The following COL4A1 variants were observed in gnomAD, a reference collection of about 807,000 sequenced individuals.
COL4A1 encodes collagen type IV alpha 1 chain, also known as collagen alpha-1(IV) chain.
Under a neutral mutation model 216.6 loss-of-function variants are expected in COL4A1, and 40 were observed. The ratio of observed to expected loss-of-function variants is 0.18; its 90% confidence interval spans 0.14 to 0.24. COL4A1 has a LOEUF of 0.24. COL4A1 is among the 10% of genes least tolerant of loss of function. The pLI is 1.00. For synonymous variants in COL4A1, 839 were observed against 810.7 expected (o/e 1.03, Z -0.59); for missense variants, 1,628 against 2,196.8 (o/e 0.74, Z 5.18).
intron 2 of COL4A1, among the ~76,000 whole-genome samples, chr13:110,225,399 C>T (rs1334155034): frequency 1.3e-5 from 2 of 152,194 alleles, no homozygotes; most frequent in African/African-American, 4.8e-5. Flanking sequence ...GCCTGGCCAA[C>T]ATGGTGAAAC....
intron 1 of COL4A1, among the ~76,000 whole-genome samples, chr13:110,269,196 C>T (rs1883153430): frequency 6.6e-6 from 1 of 152,186 alleles, no homozygotes; most frequent in South Asian, 2.1e-4. Flanking sequence ...AGAAGAAAAT[C>T]CATTTCCTGA....
At chr13:110,232,574 G>A (rs533784220) in intron 2 of COL4A1, among the ~76,000 whole-genome samples, 21 of 152,140 alleles carry the variant, frequency 1.4e-4, no homozygotes, top group Admixed American at 2.6e-4. Context: ...TTGCTCCCCT[G>A]AAAAGAAAGC....
chr13:110,190,742 T>C (rs930681088), intron 24 of COL4A1: 1 of 152,208 alleles, frequency 6.6e-6, no homozygotes, highest in African/African-American at 2.4e-5. Flanking sequence ...ACTTCTCAAT[T>C]GAATTATTTA....
intron 28 of COL4A1, among the ~76,000 whole-genome samples, chr13:110,182,352 T>A (rs1041821742): frequency 1.3e-5 from 2 of 152,126 alleles, no homozygotes; most frequent in South Asian, 4.1e-4. Context: ...TCAACCTAAG[T>A]GTGGCTGCGT....
At position 110,212,595 on chromosome 13, in the gene COL4A1, G is replaced by T; in HGVS notation, c.303C>A (p.Tyr101Ter). Residue 101 changes from tyrosine to a stop codon, truncating the protein, a stop_gained, in exon 5 of 52, where the codon TAC (tyrosine) becomes TAA (stop). Transcript: ENST00000375820. LOFTEE classifies it high-confidence loss of function. ...ATACGGGAAGTCCTGGGTTTCCAGG[G>T]TAGCCAGATGCTCCCGGAGGTCCCT... Reference protein sequence around the residue: ...GTRGPPGASGYPGNPGLPGIP... With the variant: ...GTRGPPGASG 6.2e-7 allele frequency: 1 copy of T among 1,614,128 alleles called. No homozygotes were observed. Among genetic ancestry groups the T allele is most frequent in the Non-Finnish European group, 8.5e-7 (1 of 1,180,038 alleles).
chr13:110,253,180 C>CGTATTATATATACATATAGCTATATGTAT lies in COL4A1; in HGVS notation c.85-10447_85-10446insATACATATAGCTATATGTATATATAATAC, dbSNP rs1566417498. Among the ~76,000 whole-genome samples the CGTATTATATATACATATAGCTATATGTAT allele has an allele frequency of 2.2e-5, 2 of 91,166 alleles. 1 individual carries two copies. Among genetic ancestry groups the CGTATTATATATACATATAGCTATATGTAT allele is most frequent in the Admixed American group, 2.3e-4 (2 of 8,586 alleles). 59.8% of individuals were successfully genotyped at this position (91,166 alleles called of 152,430 possible). A position where few individuals can be genotyped will look rare whatever the true frequency, so the allele number is the denominator to read the frequency against. On this transcript the variant is annotated intron_variant, in intron 1 of 51. Coordinates refer to ENST00000375820, the MANE Select transcript of COL4A1 (RefSeq NM_001845.6). ...TTATATATACATATAACTATATGTACGTATGTATTATATATACATATAACT... is the reference window on the plus strand; with the variant it reads ...TTATATATACATATAACTATATGTACGTATTATATATACATATAGCTATATGTATGTATGTATTATATATACATATAACT...
At chr13:110,180,791 C>T (rs1478874005) in intron 29 of COL4A1, among the ~76,000 whole-genome samples, 1 of 152,182 alleles carries the variant, frequency 6.6e-6, no homozygotes, top group Non-Finnish European at 1.5e-5. Context: ...TCAGTTGTGA[C>T]TGGGTGGAAG....
At chr13:110,189,673 G>A (rs1878549270) in intron 24 of COL4A1, among the ~76,000 whole-genome samples, 1 of 152,184 alleles carries the variant, frequency 6.6e-6, no homozygotes, top group Non-Finnish European at 1.5e-5. Context: ...AAGGTGTTTT[G>A]GGATTTTTAA....
At chr13:110,177,470 A>G (rs1399042420) in intron 33 of COL4A1, among the ~76,000 whole-genome samples, 1 of 152,198 alleles carries the variant, frequency 6.6e-6, no homozygotes, top group Non-Finnish European at 1.5e-5. Context: ...AACAACTTCA[A>G]ATAACGATAA....
chr13:110,190,680 G>A (rs1414464132), intron 24 of COL4A1: 1 of 152,150 alleles, frequency 6.6e-6, no homozygotes, highest in Non-Finnish European at 1.5e-5. Flanking sequence ...ATTTCTGAGC[G>A]AGTTAAATCA....
intron 1 of COL4A1, among the ~76,000 whole-genome samples, chr13:110,253,667 GTGTA>G (rs1162076637): frequency 8.1e-5 from 10 of 123,912 alleles, no homozygotes; most frequent in South Asian, 2.6e-4. Flanking sequence ...ATAATTATAT[GTGTA>G]TGTATGTATT....
At chr13:110,248,628 A>C (rs1040220352) in intron 1 of COL4A1, among the ~76,000 whole-genome samples, 3 of 152,150 alleles carry the variant, frequency 2.0e-5, no homozygotes, top group African/African-American at 7.2e-5. Flanking sequence ...AGTGGCTGGG[A>C]CTACAGGCAC....
chr13:110,272,432 A>G (rs1883277254), intron 1 of COL4A1, among the ~76,000 whole-genome samples: 1 of 152,218 alleles, frequency 6.6e-6, no homozygotes, highest in South Asian at 2.1e-4. Flanking sequence ...TCTTTCTAAG[A>G]AACACCTCAA....
rs598819 is a variant in COL4A1, at chr13:110,207,343, A to G, written c.780+60T>C. 1 allele frequency: 1,438,164 copies of G among 1,443,548 alleles called. 716,581 individuals carry two copies. Among genetic ancestry groups the G allele is most frequent in the East Asian group, 1 (43,964 of 43,964 alleles). 89.4% of individuals were successfully genotyped at this position (1,443,548 alleles called of 1,614,324 possible). On this transcript the variant is annotated intron_variant, in intron 13 of 51. Coordinates refer to ENST00000375820, the MANE Select transcript of COL4A1 (RefSeq NM_001845.6). The surrounding 1 kb of genome is among the most constrained non-coding windows in gnomAD (Gnocchi z 4.4). ...CTGAGTTTTGACCCATTTTCTCTTT[A>G]TCTTTTGGAATTTGTCCAAAATTAG...
At chr13:110,186,311 T>C in intron 26 of COL4A1, 74 bp downstream of exon 26, 1 of 1,591,976 alleles carries the variant, frequency 6.3e-7, no homozygotes. Context: ...CCCAGGCCTC[T>C]GTGTGCACCC....
intron 21 of COL4A1, among the ~76,000 whole-genome samples, chr13:110,197,011 A>G (rs549750516): frequency 6.6e-6 from 1 of 152,364 alleles, no homozygotes; most frequent in Admixed American, 6.5e-5. Flanking sequence ...AAATATTACA[A>G]TGTGCTCAGC....
intron 43 of COL4A1, among the ~76,000 whole-genome samples, chr13:110,169,267 T>A (rs1877491455): frequency 6.6e-6 from 1 of 152,244 alleles, no homozygotes; most frequent in African/African-American, 2.4e-5. Flanking sequence ...TTTACAGAAT[T>A]GTTCTCTGCA....
chr13:110,152,577 C>T, intron 50 of COL4A1, 71 bp from the exon 51 acceptor site: 1 of 1,514,568 alleles, frequency 6.6e-7, no homozygotes, highest in Non-Finnish European at 8.9e-7. Context: ...CGATCCTTCC[C>T]AGGAAGGCGC....
chr13:110,151,325 A>G (rs1310750565), intron 51 of COL4A1, among the ~76,000 whole-genome samples: 1 of 151,926 alleles, frequency 6.6e-6, no homozygotes, highest in African/African-American at 2.4e-5. Context: ...AAAACCCATC[A>G]TTACCTATCA....
Sources: gnomAD v4.1 joint callset for allele counts (sites outside exome capture counted in the v4.1 genomes callset) on GRCh38, gnomAD v4.1.1 for gene constraint, Gnocchi (gnomAD v3.1) non-coding constraint, MANE v1.5 for transcripts, NCBI Gene and HGNC (gene_info 2026-07-23, HGNC 2026-07-21) for gene names.